The following EBF2 variants were observed in gnomAD, a reference collection of about 807,000 sequenced individuals.
EBF2 encodes the protein transcription factor COE2.
In EBF2, 21 loss-of-function variants were observed where a neutral mutation model predicts 72.8. The observed-to-expected ratio is 0.29, with a 90% CI of 0.20 to 0.42. The LOEUF is 0.42. Ranked by LOEUF, EBF2 falls within the 10% of genes least tolerant of loss-of-function variation. EBF2 has a pLI of 1.00. For missense variants in EBF2, 637 were observed against 731.2 expected (o/e 0.87, Z 1.49); for synonymous variants, 299 against 274.2 (o/e 1.09, Z -0.89).
Position 25,858,487 on chromosome 8 carries a change from T to G in EBF2, c.1360A>C (p.Ser454Arg). ...GAGTATCCCCGCGGAGAGATGCTGCTTGTGTTGCGGATGTACCCTTGGCAA... is the reference window on the plus strand; with the variant it reads ...GAGTATCCCCGCGGAGAGATGCTGCGTGTGTTGCGGATGTACCCTTGGCAA... ...GNNQGYIRNT[S>R]SISPRGYSSS... is the part of the protein sequence containing the mutation. Residue 454 changes from serine (S) to arginine (R), a missense_variant, in exon 14 of 16, where the codon AGC becomes CGC. By Grantham distance (110) the Ser-to-Arg change is moderately radical. Around this residue, in one of 3 missense-constraint regions of EBF2, gnomAD observed 259 missense variants for 268.1 expected, o/e 0.97. Transcript: ENST00000520164. 1 of 1,613,780 alleles carries G rather than the reference T, an allele frequency of 6.2e-7. No individual in the cohort carries two copies. The highest frequency in any genetic ancestry group is 1.1e-5 in the South Asian group (1 of 91,026).
intron 10 of EBF2, among the ~76,000 whole-genome samples, chr8:25,874,853 CTTTTTTTTTTTTT>C (rs1183233269): frequency 1.0e-5 from 1 of 99,574 alleles, no homozygotes; most frequent in African/African-American, 4.7e-5. Flanking sequence ...GCCTGGCTAA[CTTTTTTTTTTTTT>C]TTTTTTTTTT....
intron 6 of EBF2, among the ~76,000 whole-genome samples, chr8:25,996,295 C>CAAA (rs72054331): frequency 8.0e-6 from 1 of 125,510 alleles, no homozygotes; most frequent in African/African-American, 2.9e-5. Context: ...GACCCTGTCT[C>CAAA]AAAAAAAAAA....
intron 7 of EBF2, among the ~76,000 whole-genome samples, chr8:25,895,772 C>A (rs1056985663): frequency 2.0e-5 from 3 of 152,218 alleles, no homozygotes; most frequent in Admixed American, 6.5e-5. Flanking sequence ...GCCTGAACAG[C>A]TAATTTTCCA....
intron 15 of EBF2, among the ~76,000 whole-genome samples, chr8:25,849,711 T>C (rs559472240): frequency 6.6e-6 from 1 of 152,330 alleles, no homozygotes; most frequent in South Asian, 2.1e-4. Context: ...ATTTGTGTTA[T>C]GTCATGCCAT....
chr8:25,949,732 G>T (rs982940413), intron 6 of EBF2, among the ~76,000 whole-genome samples: 1 of 152,058 alleles, frequency 6.6e-6, no homozygotes, highest in Non-Finnish European at 1.5e-5. Context: ...GAGGGAGGGT[G>T]GTCATGGGAG....
At chr8:25,985,022 A>C (rs73675758) in intron 6 of EBF2, among the ~76,000 whole-genome samples, 2,519 of 152,270 alleles carry the variant, frequency 0.017, 79 homozygotes, top group African/African-American at 0.058. Flanking sequence ...GGGACCGTAA[A>C]CTCTGCTCTT....
intron 7 of EBF2, among the ~76,000 whole-genome samples, chr8:25,896,867 T>G (rs1287915608): frequency 6.6e-6 from 1 of 152,228 alleles, no homozygotes; most frequent in Non-Finnish European, 1.5e-5. Context: ...CTACTGCAGT[T>G]TGTTCTGCCC....
At chr8:25,949,341 C>G (rs1403917599) in intron 6 of EBF2, among the ~76,000 whole-genome samples, 1 of 152,110 alleles carries the variant, frequency 6.6e-6, no homozygotes, top group East Asian at 1.9e-4. Context: ...TAAAAGTACC[C>G]CCATAATCAC....
intron 6 of EBF2, among the ~76,000 whole-genome samples, chr8:25,962,707 A>C (rs1804054304): frequency 6.6e-6 from 1 of 152,238 alleles, no homozygotes; most frequent in Admixed American, 6.5e-5. Flanking sequence ...TGGTGTGAAC[A>C]CAAAATCTAC....
At chr8:25,970,013 C>G (rs1804167185) in intron 6 of EBF2, among the ~76,000 whole-genome samples, 1 of 152,128 alleles carries the variant, frequency 6.6e-6, no homozygotes, top group South Asian at 2.1e-4. Context: ...ATTTTATGAC[C>G]TTCATATTAT....
chr8:25,941,207 C>G (rs1440617704), intron 6 of EBF2, among the ~76,000 whole-genome samples: 1 of 75,194 alleles, frequency 1.3e-5, no homozygotes, highest in Non-Finnish European at 2.5e-5. Flanking sequence ...GCTGCTCCCC[C>G]ATCTTTTTTT....
intron 6 of EBF2, among the ~76,000 whole-genome samples, chr8:26,022,095 G>A (rs1335325773): frequency 6.6e-6 from 1 of 152,332 alleles, no homozygotes; most frequent in East Asian, 1.9e-4. Flanking sequence ...CAAGCCTTCA[G>A]TACAGTTAGA....
chr8:25,937,918 C>T (rs1803605869), intron 6 of EBF2, among the ~76,000 whole-genome samples: 1 of 152,004 alleles, frequency 6.6e-6, no homozygotes, highest in African/African-American at 2.4e-5. Flanking sequence ...AAATTTTCCA[C>T]CCAAGTTCGC....
At chr8:25,933,489 A>G (rs1448214704) in intron 6 of EBF2, among the ~76,000 whole-genome samples, 2 of 152,192 alleles carry the variant, frequency 1.3e-5, no homozygotes, top group Non-Finnish European at 2.9e-5. Context: ...GTGGGAGTAT[A>G]AATTAGTTCA....
intron 7 of EBF2, among the ~76,000 whole-genome samples, chr8:25,896,938 G>C (rs1281397509): frequency 1.3e-5 from 2 of 152,134 alleles, no homozygotes; most frequent in Admixed American, 1.3e-4. Flanking sequence ...ATTCTTCTTT[G>C]TTATGGGACT....
intron 6 of EBF2, among the ~76,000 whole-genome samples, chr8:25,999,696 C>T (rs1433116472): frequency 1.3e-5 from 2 of 151,388 alleles, no homozygotes; most frequent in Admixed American, 6.6e-5. Flanking sequence ...TATCCACACA[C>T]GCCCTCTCCT....
chr8:25,869,847 G>A (rs570589864), intron 10 of EBF2, among the ~76,000 whole-genome samples: 5 of 152,256 alleles, frequency 3.3e-5, no homozygotes, highest in African/African-American at 9.6e-5. Flanking sequence ...ACATTAGCTC[G>A]TTCGATTCTG....
At chr8:25,979,255 T>C (rs758865960) in intron 6 of EBF2, among the ~76,000 whole-genome samples, 28 of 152,210 alleles carry the variant, frequency 1.8e-4, no homozygotes, top group Non-Finnish European at 3.8e-4. Flanking sequence ...GCCAGGGGTA[T>C]GTGGAGGCCA....
intron 10 of EBF2, among the ~76,000 whole-genome samples, chr8:25,877,199 G>C (rs1050398552): frequency 2.0e-5 from 3 of 152,176 alleles, no homozygotes; most frequent in African/African-American, 7.2e-5. Flanking sequence ...GCCACCTGAA[G>C]TCAAGACAGC....
Sources: gnomAD v4.1 joint callset for allele counts (sites outside exome capture counted in the v4.1 genomes callset) on GRCh38, gnomAD v4.1.1 for gene constraint, gnomAD v4.1.1 regional missense constraint, MANE v1.5 for transcripts, NCBI Gene and HGNC (gene_info 2026-07-23, HGNC 2026-07-21) for gene names.